ANKRD24: variants seen among roughly 807,000 people sequenced by gnomAD.
ANKRD24 encodes ankyrin repeat domain 24, also known as ankyrin repeat domain-containing protein 24.
Under a neutral mutation model 127.8 loss-of-function variants are expected in ANKRD24, and 109 were observed. The observed-to-expected ratio is 0.85, with a 90% CI of 0.73 to 1.00. The LOEUF (loss-of-function observed/expected upper bound fraction) is 1.00. ANKRD24 is among the 50% of genes least tolerant of loss of function. The pLI, the probability that ANKRD24 is intolerant of heterozygous loss-of-function variation, is 0.00. For synonymous variants in ANKRD24, 743 were observed against 671.1 expected, an observed-to-expected ratio of 1.11 and a Z score of -1.66; for missense variants, 1,648 against 1,570.2, an observed-to-expected ratio of 1.05 and a Z score of -0.84.
intron 15 of ANKRD24, among the ~76,000 whole-genome samples, chr19:4,215,672 G>A (rs1488221423): frequency 6.6e-6 from 1 of 151,740 alleles, no homozygotes; most frequent in Non-Finnish European, 1.5e-5. Flanking sequence ...CTGCTTGGAA[G>A]GCTGAGGTGG....
chr19:4,202,154 C>A, intron 6 of ANKRD24, 64 bp downstream of exon 6: 2 of 1,442,484 alleles, frequency 1.4e-6, no homozygotes, highest in Non-Finnish European at 2.0e-6. Context: ...CCAGCAATTC[C>A]TTGAACCCCC....
At position 4,217,422 on chromosome 19, in the gene ANKRD24, CGAGGCCGCG is replaced by C. The variant is rs1568341696; in HGVS notation, c.2270_2278del (p.Ala757_Ala759del). 26 of 1,545,678 alleles carry C rather than the reference CGAGGCCGCG, an allele frequency of 1.7e-5. No homozygotes were observed. Among genetic ancestry groups the C allele is most frequent in the Non-Finnish European group, 2.3e-5 (26 of 1,145,260 alleles). ...AGCTGGAGGCGGCCCTGGGGAAGTG[CGAGGCCGCG>C]GAGGCCGAGGCAGGCCGGCTGCGAG... On this transcript the variant is annotated inframe_deletion, in exon 18 of 22. Coordinates refer to ENST00000318934, the MANE Select transcript of ANKRD24 (RefSeq NM_001393985.1).
rs905035197 is a variant in ANKRD24, at chr19:4,198,176, C to A, written c.37-1507C>A. On this transcript the variant is annotated intron_variant, in intron 2 of 21. Transcript: ENST00000318934. The surrounding 1 kb of genome is among the most constrained non-coding windows in gnomAD (Gnocchi z 6.1). The stretch of plus-strand genomic sequence containing the variant: ...GGCCTGCGCTGGTGAGGGAGCCGGG[C>A]CCCCGGCGCCGCGTCCTCCTCATCC... 8.9e-6 allele frequency: 5 copies of A among 564,546 alleles called. No individual in the cohort carries two copies. The highest frequency in any genetic ancestry group is 4.2e-5 in the South Asian group (2 of 47,928). 35.0% of individuals were successfully genotyped at this position (564,546 alleles called of 1,614,324 possible).
At position 4,216,867 on chromosome 19, in the gene ANKRD24, T is replaced by A; in HGVS notation, c.1707T>A (p.Asp569Glu). 6.2e-7 allele frequency: 1 copy of A among 1,610,784 alleles called. No homozygotes were observed. Among genetic ancestry groups the A allele is most frequent in the Non-Finnish European group, 8.5e-7 (1 of 1,178,846 alleles). The change falls in exon 18 of 22, where the codon GAT (aspartate) becomes GAA (glutamate). Residue 569 changes from aspartate to glutamate, a missense_variant. Asp to Glu is a conservative substitution (Grantham distance 45). Coordinates refer to ENST00000318934, the MANE Select transcript of ANKRD24 (RefSeq NM_001393985.1). ...AETIDEEAAG[D>E]ETMEARTMEA... The stretch of plus-strand genomic sequence containing the variant: ...CCATAGATGAGGAGGCTGCAGGAGA[T>A]GAAACCATGGAAGCCAGGACTATGG...
intron 8 of ANKRD24, 27 bp from the exon 9 acceptor site, chr19:4,207,474 C>T (rs1969456945): frequency 1.9e-6 from 3 of 1,607,084 alleles, no homozygotes; most frequent in East Asian, 2.2e-5. Context: ...TTTCTCATGC[C>T]ATCGCATCCC....
intron 13 of ANKRD24, 84 bp downstream of exon 13, chr19:4,210,456 C>T: frequency 8.1e-6 from 10 of 1,230,188 alleles, no homozygotes; most frequent in South Asian, 6.2e-5. Flanking sequence ...TTTCTCCCAC[C>T]TTCCCTCCTC....
rs1970637089 is a variant in ANKRD24 at position 4,224,546 on chromosome 19, A to G, written c.*41A>G. On this transcript the variant is annotated 3_prime_UTR_variant, in exon 22 of 22. Coordinates refer to ENST00000318934, the MANE Select transcript of ANKRD24 (RefSeq NM_001393985.1). ...GTGGCTACACTGACCACACCCACGC[A>G]GGGACCTCACCCCCCTGCAGGCCCC... is the stretch of plus-strand genomic sequence containing the variant. The G allele has an allele frequency of 6.4e-7, 1 of 1,564,644 alleles. No individual in the cohort carries two copies. Among genetic ancestry groups the G allele is most frequent in the Non-Finnish European group, 8.7e-7 (1 of 1,150,014 alleles).
At chr19:4,186,944 G>A (rs1159050106) in intron 2 of ANKRD24, among the ~76,000 whole-genome samples, 1 of 152,198 alleles carries the variant, frequency 6.6e-6, no homozygotes, top group African/African-American at 2.4e-5. Context: ...CGCTGAGTAC[G>A]GGAGATGAAC....
chr19:4,187,679 A>G (rs1412407901), intron 2 of ANKRD24, among the ~76,000 whole-genome samples: 1 of 152,224 alleles, frequency 6.6e-6, no homozygotes, highest in African/African-American at 2.4e-5. Context: ...CTCCAGGGAC[A>G]GGCAATCAGC....
At chr19:4,186,256 G>T in intron 1 of ANKRD24, 134 bp from the exon 2 acceptor site, 1 of 1,452,628 alleles carries the variant, frequency 6.9e-7, no homozygotes, top group Non-Finnish European at 9.1e-7. Flanking sequence ...GATAGAGCAG[G>T]TCTGTGTCTT....
At position 4,207,949 on chromosome 19, in the gene ANKRD24, G is replaced by A. The variant is rs1969491756; in HGVS notation, c.813G>A (p.Gln271=). ...TGCACCTTCTGCAAGAGGCGGCCCA[G>A]CGCCCCTCCCCACCCAGCGGTATGC... ...LILHLLQEAA[Q]RPSPPSALTE... The change falls in exon 10 of 22, where the codon CAG becomes CAA. Residue 271 remains glutamine (Q), a synonymous_variant. Coordinates refer to ENST00000318934, the MANE Select transcript of ANKRD24 (RefSeq NM_001393985.1). The A allele has an allele frequency of 2.0e-6, 3 of 1,516,560 alleles. No homozygotes were observed. In the African/African-American group the frequency reaches 4.2e-5, roughly 21 times the overall value. The allele number at this position is 1,516,560 out of a possible 1,614,324, so 93.9% of individuals were successfully genotyped here.
intron 2 of ANKRD24, among the ~76,000 whole-genome samples, chr19:4,190,616 C>T (rs561046312): frequency 4.9e-4 from 74 of 151,970 alleles, no homozygotes; most frequent in Non-Finnish European, 6.8e-4. Flanking sequence ...ACCTGTAATC[C>T]CAGCTACTCA....
intron 1 of ANKRD24, among the ~76,000 whole-genome samples, chr19:4,183,713 A>T (rs1001430687): frequency 6.6e-6 from 1 of 152,076 alleles, no homozygotes; most frequent in African/African-American, 2.4e-5. Flanking sequence ...TGGGAGTTCG[A>T]GACCACCCTG....
At chr19:4,205,869 G>A (rs1484342517) in intron 7 of ANKRD24, among the ~76,000 whole-genome samples, 2 of 151,222 alleles carry the variant, frequency 1.3e-5, no homozygotes, top group Non-Finnish European at 3.0e-5. Flanking sequence ...TAGGTCGGGT[G>A]CGGTGGCTCA....
At chr19:4,216,467 G>T in intron 17 of ANKRD24, 65 bp downstream of exon 17, 1 of 1,555,170 alleles carries the variant, frequency 6.4e-7, no homozygotes, top group South Asian at 1.2e-5. Context: ...GTCAGGGTGG[G>T]CAGGGAAGGT....
chr19:4,217,561 C>A lies in ANKRD24; in HGVS notation c.2401C>A (p.Arg801=), dbSNP rs1406947791. 1.5e-6 allele frequency: 2 copies of A among 1,313,642 alleles called. No individual in the cohort carries two copies. The highest frequency in any genetic ancestry group is 3.3e-5 in the East Asian group (1 of 30,616). 81.4% of individuals were successfully genotyped at this position (1,313,642 alleles called of 1,614,324 possible). Residue 801 remains arginine, a synonymous_variant, in exon 18 of 22, where the codon CGG becomes AGG. Transcript: ENST00000318934. ...GCAGGCCCGGGAGGACCTCCGAGAC[C>A]GGGACTCCCGCCTGCGGGAGCTGGA... The part of the protein sequence containing the change: ...LEQAREDLRD[R]DSRLRELEAA...
chr19:4,207,911 G>A lies in ANKRD24; in HGVS notation c.775G>A (p.Asp259Asn), dbSNP rs1268410639. 4.5e-6 allele frequency: 7 copies of A among 1,555,630 alleles called. No individual in the cohort carries two copies. Among genetic ancestry groups the A allele is most frequent in the Non-Finnish European group, 5.2e-6 (6 of 1,152,562 alleles). Residue 259 changes from aspartate (D) to asparagine (N), a missense_variant, in exon 10 of 22, where the codon GAC (aspartate) becomes AAC (asparagine). Coordinates refer to ENST00000318934, the MANE Select transcript of ANKRD24 (RefSeq NM_001393985.1). ...DAAHYGALAG[D>N]KLILHLLQEA... Reference sequence around the variant, plus strand: ...GGCTCACTATGGCGCCCTGGCGGGGGACAAACTCATCCTGCACCTTCTGCA... The same window carrying A: ...GGCTCACTATGGCGCCCTGGCGGGGAACAAACTCATCCTGCACCTTCTGCA...
intron 20 of ANKRD24, among the ~76,000 whole-genome samples, chr19:4,223,318 A>G (rs1362062145): frequency 6.8e-6 from 1 of 146,044 alleles, no homozygotes; most frequent in Non-Finnish European, 1.5e-5. Flanking sequence ...AGCAGCCTCA[A>G]ACTCCTGGCC....
intron 2 of ANKRD24, 126 bp downstream of exon 2, chr19:4,186,587 C>G (rs1011899752): frequency 5.3e-6 from 6 of 1,137,470 alleles, no homozygotes; most frequent in Middle Eastern, 2.0e-4. Context: ...TCTGCTGCCC[C>G]CTAGCGTCAT....
Sources: gnomAD v4.1 joint callset for allele counts (sites outside exome capture counted in the v4.1 genomes callset) on GRCh38, gnomAD v4.1.1 for gene constraint, Gnocchi (gnomAD v3.1) non-coding constraint, MANE v1.5 for transcripts, NCBI Gene and HGNC (gene_info 2026-07-23, HGNC 2026-07-21) for gene names.